ITGA8: variants seen among roughly 807,000 people sequenced by gnomAD.
ITGA8 encodes the protein integrin alpha-8.
A neutral mutation model predicts 142.3 loss-of-function variants in ITGA8; 91 were observed. The ratio of observed to expected loss-of-function variants is 0.64; its 90% confidence interval spans 0.54 to 0.76. ITGA8 has a LOEUF of 0.76. ITGA8 is among the 30% of genes least tolerant of loss of function. The pLI, the probability that ITGA8 is intolerant of heterozygous loss-of-function variation, is 0.00. For missense variants in ITGA8, 1,406 were observed against 1,327.7 expected (o/e 1.06, Z -0.92); for synonymous variants, 505 against 485.2 (o/e 1.04, Z -0.54).
chr10:15,619,989 T>C (rs1199744758), intron 13 of ITGA8, among the ~76,000 whole-genome samples: 1 of 152,268 alleles, frequency 6.6e-6, no homozygotes, highest in Non-Finnish European at 1.5e-5. Flanking sequence ...ATTGATTCTC[T>C]GGAAATGGCA....
Position 15,616,501 on chromosome 10 carries a change from ACCAAC to A in ITGA8, c.1445+8_1445+12del, listed in dbSNP as rs764540312. On this transcript the variant is annotated splice_region_variant and intron_variant, in intron 14 of 29. Coordinates refer to ENST00000378076, the MANE Select transcript of ITGA8 (RefSeq NM_003638.3). The stretch of plus-strand genomic sequence containing the variant: ...ACAATGAGAAAAACATTTGAATACT[ACCAAC>A]CACATACCTGTAAACAGCGACTTTT... 5.0e-6 allele frequency: 8 copies of A among 1,596,804 alleles called. No homozygotes were observed. Among genetic ancestry groups the A allele is most frequent in the Non-Finnish European group, 6.0e-6 (7 of 1,165,510 alleles).
At chr10:15,532,066 A>G (rs1420533245) in intron 27 of ITGA8, among the ~76,000 whole-genome samples, 1 of 152,012 alleles carries the variant, frequency 6.6e-6, no homozygotes, top group Non-Finnish European at 1.5e-5. Context: ...TGTCCTCTGC[A>G]TTGTAGGATG....
intron 6 of ITGA8, among the ~76,000 whole-genome samples, chr10:15,673,851 T>A (rs1834575588): frequency 6.7e-6 from 1 of 148,742 alleles, no homozygotes; most frequent in African/African-American, 2.6e-5. Context: ...GTCAGAAGTC[T>A]TGAAATACGA....
At chr10:15,638,163 A>G (rs1291476313) in intron 13 of ITGA8, among the ~76,000 whole-genome samples, 1 of 152,246 alleles carries the variant, frequency 6.6e-6, no homozygotes, top group Non-Finnish European at 1.5e-5. Context: ...CATCTGTAGC[A>G]TGCAGAACAG....
At chr10:15,535,039 T>G (rs1232203678) in intron 27 of ITGA8, among the ~76,000 whole-genome samples, 1 of 152,074 alleles carries the variant, frequency 6.6e-6, no homozygotes, top group Non-Finnish European at 1.5e-5. Flanking sequence ...CAGTGTGAGT[T>G]CCGCGGGTGA....
intron 2 of ITGA8, among the ~76,000 whole-genome samples, chr10:15,707,890 A>C (rs369074189): frequency 1.3e-5 from 2 of 151,644 alleles, no homozygotes; most frequent in East Asian, 3.9e-4. Context: ...GCCACTAAGC[A>C]TGTGGTAATT....
intron 27 of ITGA8, among the ~76,000 whole-genome samples, chr10:15,548,066 A>C (rs953799918): frequency 2.6e-5 from 4 of 151,986 alleles, no homozygotes; most frequent in African/African-American, 9.7e-5. Flanking sequence ...AAATGTAAAA[A>C]AAATTTTTTT....
intron 21 of ITGA8, 40 bp downstream of exon 21, chr10:15,597,167 G>T: frequency 6.7e-7 from 1 of 1,501,758 alleles, no homozygotes; most frequent in Non-Finnish European, 9.3e-7. Flanking sequence ...GTGAAGTCCA[G>T]TTAGAAGGAA....
At chr10:15,606,473 G>T (rs752986745) in intron 17 of ITGA8, 51 bp from the exon 18 acceptor site, 9 of 1,539,666 alleles carry the variant, frequency 5.8e-6, no homozygotes, top group Non-Finnish European at 8.0e-6. Context: ...ATAGCTGCAA[G>T]ATGTCAGTCT....
intron 29 of ITGA8, among the ~76,000 whole-genome samples, chr10:15,518,582 T>G (rs1833004493): frequency 6.6e-6 from 1 of 152,252 alleles, no homozygotes; most frequent in Non-Finnish European, 1.5e-5. Flanking sequence ...AAGATGTGAC[T>G]GGGTTAATTA....
chr10:15,547,439 G>A (rs2131556796), intron 27 of ITGA8, among the ~76,000 whole-genome samples: 1 of 152,300 alleles, frequency 6.6e-6, no homozygotes, highest in East Asian at 1.9e-4. Flanking sequence ...GGGCATGGTG[G>A]CCCACGCCTG....
At chr10:15,659,219 A>G (rs891500888) in intron 9 of ITGA8, among the ~76,000 whole-genome samples, 164 bp from the exon 10 acceptor site, 3 of 152,212 alleles carry the variant, frequency 2.0e-5, no homozygotes, top group Non-Finnish European at 4.4e-5. Context: ...ATTTAAAAAA[A>G]AAAAGCCGAT....
chr10:15,515,075 T>C lies in ITGA8; in HGVS notation c.*2083A>G, dbSNP rs900448366. 6.6e-6 allele frequency: 1 copy of C among 152,140 alleles called. No homozygotes were observed. The highest frequency in any genetic ancestry group is 1.5e-5 in the Non-Finnish European group (1 of 68,056). 9.4% of individuals were successfully genotyped at this position (152,140 alleles called of 1,614,324 possible). ...AGGACCCCAAATCCCAAGGAGCTAA[T>C]CTCTATTGGTCACAGATCAGCCAGG... On this transcript the variant is annotated 3_prime_UTR_variant, in exon 30 of 30. Coordinates refer to ENST00000378076, the MANE Select transcript of ITGA8 (RefSeq NM_003638.3).
Position 15,606,340 on chromosome 10 carries a change from C to A in ITGA8, c.1847G>T (p.Gly616Val), listed in dbSNP as rs929548681. 6 of 1,612,068 alleles carry A rather than the reference C, an allele frequency of 3.7e-6. No individual in the cohort carries two copies. The highest frequency in any genetic ancestry group is 2.2e-5 in the South Asian group (2 of 90,954). Residue 616 changes from glycine (G) to valine (V), a missense_variant, in exon 18 of 30, where the codon GGC becomes GTC. Coordinates refer to ENST00000378076, the MANE Select transcript of ITGA8 (RefSeq NM_003638.3). Reference sequence around the variant, plus strand: ...GTTCAATATTGGTTTCACTTCCAGGCCTTCTTTAAAGGTGGATTCGTCCAA... The same window carrying A: ...GTTCAATATTGGTTTCACTTCCAGGACTTCTTTAAAGGTGGATTCGTCCAA... The part of the protein sequence containing the change: ...YSLDESTFKE[G>V]LEVKPILNYY...
rs543787750 is a variant in ITGA8 at position 15,662,021 on chromosome 10, T to G, written c.848-1099A>C. On this transcript the variant is annotated intron_variant, in intron 8 of 29. Transcript: ENST00000378076. ...ACAGATTCTAGAGGATTGGGCCATTTGAGAAACATGGCAACCACAACTTTT... is the reference window on the plus strand; with the variant it reads ...ACAGATTCTAGAGGATTGGGCCATTGGAGAAACATGGCAACCACAACTTTT... 3.1e-3 allele frequency among the ~76,000 whole-genome samples: 476 copies of G among 152,298 alleles called. 2 individuals are homozygous for G. The highest frequency in any genetic ancestry group is 0.011 in the African/African-American group (444 of 41,558).
chr10:15,624,489 C>G (rs1051852320), intron 13 of ITGA8, among the ~76,000 whole-genome samples: 3 of 152,190 alleles, frequency 2.0e-5, no homozygotes, highest in Non-Finnish European at 4.4e-5. Flanking sequence ...TGTGTTCCTG[C>G]AGATTTAGGG....
At chr10:15,544,932 G>A (rs1833640641) in intron 27 of ITGA8, among the ~76,000 whole-genome samples, 2 of 152,184 alleles carry the variant, frequency 1.3e-5, no homozygotes, top group Admixed American at 1.3e-4. Context: ...TGCTGTGCAT[G>A]TCTCTGAGCC....
At chr10:15,525,055 C>G (rs929911151) in intron 28 of ITGA8, among the ~76,000 whole-genome samples, 5 of 152,090 alleles carry the variant, frequency 3.3e-5, no homozygotes, top group Non-Finnish European at 7.3e-5. Context: ...GTTGCCTCAG[C>G]TGGAGTGCAG....
chr10:15,560,976 C>T lies in ITGA8; in HGVS notation c.2638-2774G>A, dbSNP rs541531677. 3.3e-5 allele frequency among the ~76,000 whole-genome samples: 5 copies of T among 151,940 alleles called. No individual in the cohort carries two copies. In the South Asian group the frequency reaches 6.2e-4, roughly 19 times the overall value. On this transcript the variant is annotated intron_variant, in intron 25 of 29. Coordinates refer to ENST00000378076, the MANE Select transcript of ITGA8 (RefSeq NM_003638.3). ...CAGGCTGGAGCATAATGGGTACAATCGCAGCTCATTACAGCAGAGTGATCC... is the reference window on the plus strand; with the variant it reads ...CAGGCTGGAGCATAATGGGTACAATTGCAGCTCATTACAGCAGAGTGATCC...
Sources: gnomAD v4.1 joint callset for allele counts (sites outside exome capture counted in the v4.1 genomes callset) on GRCh38, gnomAD v4.1.1 for gene constraint, MANE v1.5 for transcripts, NCBI Gene and HGNC (gene_info 2026-07-23, HGNC 2026-07-21) for gene names.